GRIN2D: variants seen among roughly 807,000 people sequenced by gnomAD.
GRIN2D encodes the protein glutamate receptor ionotropic, NMDA 2D.
In GRIN2D, 37 loss-of-function variants were observed where a neutral mutation model predicts 103.2. The observed-to-expected ratio is 0.36, with a 90% confidence interval of 0.28 to 0.47. GRIN2D has a LOEUF of 0.47. Among genes scored for constraint, GRIN2D ranks in the 20% least tolerant of loss-of-function variants. GRIN2D has a pLI of 1.00. For synonymous variants in GRIN2D, 845 were observed against 885.6 expected (o/e 0.95, Z 0.81); for missense variants, 1,557 against 1,910.6 (o/e 0.81, Z 3.45).
chr19:48,396,368 G>A (rs77829781), intron 2 of GRIN2D, among the ~76,000 whole-genome samples: 1,882 of 152,144 alleles, frequency 0.012, 42 homozygotes, highest in African/African-American at 0.043. Flanking sequence ...GGGTGGGGCC[G>A]GGGGCTGCCC....
At chr19:48,406,377 AT>A (rs1970792415) in intron 4 of GRIN2D, among the ~76,000 whole-genome samples, 1 of 152,228 alleles carries the variant, frequency 6.6e-6, no homozygotes, top group Admixed American at 6.5e-5. Flanking sequence ...GGAAAATAGC[AT>A]CTCCACGGTA....
At chr19:48,413,690 C>G (rs1970905691) in intron 4 of GRIN2D, among the ~76,000 whole-genome samples, 1 of 149,678 alleles carries the variant, frequency 6.7e-6, no homozygotes, top group African/African-American at 2.5e-5. Flanking sequence ...AAAGACCAGC[C>G]TGGGAAAAAT....
chr19:48,397,335 T>G (rs954073078), intron 2 of GRIN2D, among the ~76,000 whole-genome samples: 13 of 151,986 alleles, frequency 8.6e-5, no homozygotes, highest in African/African-American at 3.1e-4. Context: ...ATTTTTTCTC[T>G]CCCTTTTCCT....
intron 11 of GRIN2D, among the ~76,000 whole-genome samples, chr19:48,426,297 C>G (rs148966179): frequency 0.024 from 3,572 of 146,106 alleles, 145 homozygotes; most frequent in African/African-American, 0.088. Context: ...GCGATCTCGG[C>G]TCACTGCAAT....
intron 11 of GRIN2D, among the ~76,000 whole-genome samples, chr19:48,429,299 C>T (rs940216933): frequency 6.6e-6 from 1 of 152,178 alleles, no homozygotes; most frequent in Non-Finnish European, 1.5e-5. Flanking sequence ...AGTCACAGCT[C>T]ATTGCAGCCT....
chr19:48,435,729 G>T (rs971945976), intron 11 of GRIN2D, among the ~76,000 whole-genome samples: 1 of 152,182 alleles, frequency 6.6e-6, no homozygotes, highest in East Asian at 1.9e-4. Flanking sequence ...TTAGAAGCAT[G>T]AGCCACCACA....
At chr19:48,424,471 C>T (rs915432639) in intron 11 of GRIN2D, among the ~76,000 whole-genome samples, 5 of 150,516 alleles carry the variant, frequency 3.3e-5, no homozygotes, top group African/African-American at 9.8e-5. Flanking sequence ...GGGGTTTCAC[C>T]GTGTTAGCCA....
At chr19:48,440,994 C>T (rs1441898491) in intron 11 of GRIN2D, among the ~76,000 whole-genome samples, 2 of 152,126 alleles carry the variant, frequency 1.3e-5, no homozygotes, top group South Asian at 4.1e-4. Flanking sequence ...CAGTCTCAAT[C>T]CTCTTTTTTA....
At position 48,442,678 on chromosome 19, in the gene GRIN2D, C is replaced by G; in HGVS notation, c.2752C>G (p.Pro918Ala). 2 of 1,221,780 alleles carry G rather than the reference C, an allele frequency of 1.6e-6. No homozygotes were observed. The highest frequency in any genetic ancestry group is 2.0e-6 in the Non-Finnish European group (2 of 982,330). 75.7% of individuals were successfully genotyped at this position (1,221,780 alleles called of 1,614,324 possible). A position where few individuals can be genotyped will look rare whatever the true frequency, so the allele number is the denominator to read the frequency against. ...PPPPPQPLPS[P>A]AYPAPRPAPG... ...GCCGCCGCCACAGCCCCTGCCCAGC[C>G]CCGCGTACCCCGCGCCGCGGCCGGC... The change falls in exon 14 of 14, where the codon CCC becomes GCC. Residue 918 changes from proline (P) to alanine (A), a missense_variant. Physicochemically the swap from Pro to Ala is conservative, Grantham distance 27. Coordinates refer to ENST00000263269, the MANE Select transcript of GRIN2D (RefSeq NM_000836.4). This position sits in a 1 kb window ranked among gnomAD's most constrained non-coding sequence, Gnocchi z 7.2.
chr19:48,433,675 C>G (rs909441219), intron 11 of GRIN2D, among the ~76,000 whole-genome samples: 1 of 152,218 alleles, frequency 6.6e-6, no homozygotes, highest in Non-Finnish European at 1.5e-5. Context: ...CAATTTCTCA[C>G]TCACTCAAGA....
At chr19:48,436,730 G>A (rs539342357) in intron 11 of GRIN2D, among the ~76,000 whole-genome samples, 3 of 152,238 alleles carry the variant, frequency 2.0e-5, no homozygotes, top group African/African-American at 4.8e-5. Context: ...GTGAGAGAGT[G>A]AGTCAGGCAG....
intron 4 of GRIN2D, among the ~76,000 whole-genome samples, chr19:48,407,871 T>A (rs1970810389): frequency 6.6e-6 from 1 of 152,176 alleles, no homozygotes; most frequent in South Asian, 2.1e-4. Flanking sequence ...AAGGCCTTTC[T>A]GAATAGGTGA....
At position 48,405,806 on chromosome 19, in the gene GRIN2D, G is replaced by A. The variant is rs1266007567; in HGVS notation, c.1085+453G>A. On this transcript the variant is annotated intron_variant, in intron 4 of 13. Coordinates refer to ENST00000263269, the MANE Select transcript of GRIN2D (RefSeq NM_000836.4). This position sits in a 1 kb window ranked among gnomAD's most constrained non-coding sequence, Gnocchi z 5.1. ...AGGTCGAAGTTTGTTCCTCTCTCAC[G>A]TAACAACCCTGATAAGGAGACTGCT... 2.0e-5 allele frequency among the ~76,000 whole-genome samples: 3 copies of A among 152,144 alleles called. No individual in the cohort carries two copies. The highest frequency in any genetic ancestry group is 7.2e-5 in the African/African-American group (3 of 41,438).
intron 11 of GRIN2D, among the ~76,000 whole-genome samples, chr19:48,423,593 C>T (rs75624060): frequency 4.0e-5 from 6 of 151,698 alleles, no homozygotes; most frequent in Admixed American, 3.3e-4. Flanking sequence ...AGCCTTCAGA[C>T]GGAGGGAACA....
At chr19:48,402,300 G>A (rs1004852359) in intron 3 of GRIN2D, among the ~76,000 whole-genome samples, 1 of 152,068 alleles carries the variant, frequency 6.6e-6, no homozygotes, top group Non-Finnish European at 1.5e-5. Context: ...GAGCTAAGAA[G>A]ACTTGGAGAT....
chr19:48,402,536 T>C (rs1364283300), intron 3 of GRIN2D, among the ~76,000 whole-genome samples: 1 of 150,746 alleles, frequency 6.6e-6, no homozygotes, highest in Non-Finnish European at 1.5e-5. Flanking sequence ...GCTAACAAGG[T>C]GAAACCCCGT....
In GRIN2D at chr19:48,443,325, G is replaced by T; in HGVS notation, c.3399G>T (p.Trp1133Cys). ...CGCTGGGCGGCCTGGAGCCCTGGTG[G>T]TTCGCCGACTTCCCTTACCCGTATG... ...GASLGGLEPW[W>C]FADFPYPYAE... is the part of the protein sequence containing the mutation. The change falls in exon 14 of 14, where the codon TGG (tryptophan) becomes TGT (cysteine). Residue 1133 changes from tryptophan (W) to cysteine (C), a missense_variant. Physicochemically the swap from Trp to Cys is radical, Grantham distance 215. Transcript: ENST00000263269. The surrounding 1 kb of genome is among the most constrained non-coding windows in gnomAD (Gnocchi z 8.9). 6.5e-7 allele frequency: 1 copy of T among 1,542,300 alleles called. No homozygotes were observed. Among genetic ancestry groups the T allele is most frequent in the Admixed American group, 1.9e-5 (1 of 53,880 alleles).
intron 2 of GRIN2D, among the ~76,000 whole-genome samples, chr19:48,397,952 A>G (rs537179516): frequency 6.8e-6 from 1 of 146,178 alleles, no homozygotes; most frequent in Non-Finnish European, 1.5e-5. Context: ...GTCTCGCCCT[A>G]TCTCTGCGTC....
chr19:48,400,313 G>T (rs1196589950), intron 3 of GRIN2D, among the ~76,000 whole-genome samples: 1 of 152,198 alleles, frequency 6.6e-6, no homozygotes, highest in Non-Finnish European at 1.5e-5. Flanking sequence ...CATTCAATCT[G>T]CCCATTCCCT....
Sources: gnomAD v4.1 joint callset for allele counts (sites outside exome capture counted in the v4.1 genomes callset) on GRCh38, gnomAD v4.1.1 for gene constraint, Gnocchi (gnomAD v3.1) non-coding constraint, MANE v1.5 for transcripts, NCBI Gene and HGNC (gene_info 2026-07-23, HGNC 2026-07-21) for gene names.